The following TLL1 variants were observed in gnomAD, a reference collection of about 807,000 sequenced individuals.
The protein encoded by TLL1 is tolloid-like protein 1.
Under a neutral mutation model 128.2 loss-of-function variants are expected in TLL1, and 49 were observed. That is an observed-to-expected ratio of 0.38 (90% CI 0.30 to 0.48). The LOEUF (loss-of-function observed/expected upper bound fraction) is 0.48, where lower values mean the gene tolerates loss of function less well. Ranked by LOEUF, TLL1 falls within the 20% of genes least tolerant of loss-of-function variation. TLL1 has a pLI of 0.96. For synonymous variants in TLL1, 454 were observed against 418.8 expected (o/e 1.08, Z -1.03); for missense variants, 1,123 against 1,242.0 (o/e 0.90, Z 1.44).
At chr4:165,988,614 A>G (rs2111008315) in intron 1 of TLL1, among the ~76,000 whole-genome samples, 1 of 152,062 alleles carries the variant, frequency 6.6e-6, no homozygotes. Flanking sequence ...CAGCCTGGGT[A>G]ACAGAGAGAC....
intron 8 of TLL1, among the ~76,000 whole-genome samples, chr4:166,021,751 C>G (rs984408950): frequency 6.6e-6 from 1 of 152,038 alleles, no homozygotes; most frequent in African/African-American, 2.4e-5. Flanking sequence ...CTCTTAGTAT[C>G]TCACATTCCT....
intron 9 of TLL1, among the ~76,000 whole-genome samples, chr4:166,037,187 A>C (rs1739045005): frequency 2.0e-5 from 3 of 152,202 alleles, no homozygotes; most frequent in Non-Finnish European, 4.4e-5. Flanking sequence ...CATGTGGAGC[A>C]GACTTAAAGT....
intron 18 of TLL1, among the ~76,000 whole-genome samples, chr4:166,090,221 G>A (rs1308313021): frequency 3.3e-5 from 5 of 151,838 alleles, no homozygotes; most frequent in Admixed American, 3.3e-4. Flanking sequence ...AAGTAGGAAT[G>A]GCGGCTTTAT....
rs201059516 is a variant in TLL1 at position 166,006,868 on chromosome 4, T to C, written c.812-1075T>C. On this transcript the variant is annotated intron_variant, in intron 6 of 20. Coordinates refer to ENST00000061240, the MANE Select transcript of TLL1 (RefSeq NM_012464.5). ...AAGTGAATACCCCACATTTCCTTTATCACGTATTGGAGAGACATAACTCAA... is the reference window on the plus strand; with the variant it reads ...AAGTGAATACCCCACATTTCCTTTACCACGTATTGGAGAGACATAACTCAA... Among the ~76,000 whole-genome samples the C allele has an allele frequency of 5.3e-5, 8 of 151,870 alleles. No individual in the cohort carries two copies. The East Asian group carries it at 1.5e-3, about 29-fold the overall frequency.
chr4:166,013,314 TAAAG>T (rs1737786076), intron 7 of TLL1, among the ~76,000 whole-genome samples: 1 of 151,868 alleles, frequency 6.6e-6, no homozygotes, highest in South Asian at 2.1e-4. Context: ...ATTAGAATCA[TAAAG>T]GAAGGAATTT....
At chr4:165,985,428 G>C (rs1166177976) in intron 1 of TLL1, among the ~76,000 whole-genome samples, 1 of 152,014 alleles carries the variant, frequency 6.6e-6, no homozygotes, top group African/African-American at 2.4e-5. Context: ...TGGACAGAAA[G>C]ACTTCACCCT....
intron 18 of TLL1, among the ~76,000 whole-genome samples, chr4:166,090,208 CTT>C (rs5863798): frequency 0.91 from 138,293 of 151,726 alleles, 63,614 homozygotes; most frequent in East Asian, 1. Flanking sequence ...CTTCTATAGA[CTT>C]AAGTAGGAAT....
intron 19 of TLL1, among the ~76,000 whole-genome samples, chr4:166,094,210 A>G (rs998191206): frequency 2.0e-5 from 3 of 152,174 alleles, no homozygotes; most frequent in Non-Finnish European, 4.4e-5. Context: ...CATTTTGCAG[A>G]CAAAGACAGT....
chr4:165,962,407 A>G (rs1561057742), intron 1 of TLL1, among the ~76,000 whole-genome samples: 1 of 152,180 alleles, frequency 6.6e-6, no homozygotes, highest in Non-Finnish European at 1.5e-5. Flanking sequence ...CTTTTGTTAA[A>G]AAGTCAAATA....
At chr4:166,008,132 T>A in intron 7 of TLL1, 84 bp downstream of exon 7, 2 of 942,198 alleles carry the variant, frequency 2.1e-6, no homozygotes, top group Middle Eastern at 2.2e-4. Flanking sequence ...ACATTAGAAC[T>A]AGAATTACTT....
chr4:166,082,261 C>G (rs139861721), intron 18 of TLL1, among the ~76,000 whole-genome samples: 98 of 152,242 alleles, frequency 6.4e-4, no homozygotes, highest in African/African-American at 2.2e-3. Flanking sequence ...CCATCCTATC[C>G]CATGGATCAT....
chr4:166,003,327 A>G, intron 5 of TLL1, 64 bp from the exon 6 acceptor site: 1 of 1,560,800 alleles, frequency 6.4e-7, no homozygotes, highest in Non-Finnish European at 8.8e-7. Context: ...CAAAAAATTC[A>G]CCATATTGTC....
At chr4:166,044,464 G>A in intron 12 of TLL1, 4 of 1,518,472 alleles carry the variant, frequency 2.6e-6, no homozygotes, top group Non-Finnish European at 3.5e-6. Flanking sequence ...ACTTGTCTCT[G>A]TCCCCTTGCA....
At chr4:166,038,844 C>G (rs1405424483) in intron 9 of TLL1, among the ~76,000 whole-genome samples, 1 of 152,078 alleles carries the variant, frequency 6.6e-6, no homozygotes, top group Non-Finnish European at 1.5e-5. Flanking sequence ...TTTCAACATG[C>G]ACAATGATAT....
chr4:166,009,545 G>A (rs772438561), intron 7 of TLL1, among the ~76,000 whole-genome samples: 9 of 151,236 alleles, frequency 6.0e-5, no homozygotes, highest in Non-Finnish European at 1.2e-4. Context: ...CTTATGAGTT[G>A]AATGCCAATC....
At chr4:165,918,704 A>G (rs1732893416) in intron 1 of TLL1, among the ~76,000 whole-genome samples, 1 of 152,056 alleles carries the variant, frequency 6.6e-6, no homozygotes, top group East Asian at 1.9e-4. Flanking sequence ...CTCTCCCACG[A>G]TGCTATCATT....
chr4:165,908,582 C>CAAAA (rs575726410), intron 1 of TLL1, among the ~76,000 whole-genome samples: 1 of 63,584 alleles, frequency 1.6e-5, no homozygotes. Context: ...GACCCTGTCT[C>CAAAA]AAAAAAAAAA....
At chr4:166,067,471 A>T (rs1185819762) in intron 16 of TLL1, among the ~76,000 whole-genome samples, 2 of 151,746 alleles carry the variant, frequency 1.3e-5, no homozygotes, top group Non-Finnish European at 3.0e-5. Context: ...TGTGCAGAAG[A>T]TGCTGTTCTC....
At chr4:165,921,328 T>G (rs1325938778) in intron 1 of TLL1, among the ~76,000 whole-genome samples, 1 of 152,236 alleles carries the variant, frequency 6.6e-6, no homozygotes, top group Non-Finnish European at 1.5e-5. Flanking sequence ...TGTATTTTGG[T>G]TAAAGCAAGA....
Sources: gnomAD v4.1 joint callset for allele counts (sites outside exome capture counted in the v4.1 genomes callset) on GRCh38, gnomAD v4.1.1 for gene constraint, MANE v1.5 for transcripts, NCBI Gene and HGNC (gene_info 2026-07-23, HGNC 2026-07-21) for gene names.